ATXN7L1: variants seen among roughly 807,000 people sequenced by gnomAD.
ATXN7L1 encodes ataxin-7-like protein 1.
In ATXN7L1, 15 loss-of-function variants were observed where a neutral mutation model predicts 70.8. The ratio of observed to expected loss-of-function variants is 0.21; its 90% CI spans 0.14 to 0.33. The LOEUF (loss-of-function observed/expected upper bound fraction) is 0.33. Among genes scored for constraint, ATXN7L1 ranks in the 10% least tolerant of loss-of-function variants. The pLI is 1.00. For missense variants in ATXN7L1, 975 were observed against 1,097.1 expected, an observed-to-expected ratio of 0.89 and a Z score of 1.57; for synonymous variants, 440 against 445.1, an observed-to-expected ratio of 0.99 and a Z score of 0.14.
At chr7:105,692,404 T>G (rs1033986707) in intron 3 of ATXN7L1, among the ~76,000 whole-genome samples, 7 of 125,354 alleles carry the variant, frequency 5.6e-5, no homozygotes, top group African/African-American at 9.6e-5. Context: ...CTTCCTTCCT[T>G]CCTTCCTTCC....
chr7:105,722,746 G>A (rs1046394031), intron 3 of ATXN7L1, among the ~76,000 whole-genome samples: 9 of 151,698 alleles, frequency 5.9e-5, no homozygotes, highest in South Asian at 2.1e-4. Context: ...TTAGCTGGGC[G>A]TGGTGGCATG....
chr7:105,866,232 C>T (rs1585189514), intron 2 of ATXN7L1, among the ~76,000 whole-genome samples: 1 of 152,188 alleles, frequency 6.6e-6, no homozygotes. Context: ...GAATCAGGTA[C>T]ACCGGTAAGT....
At chr7:105,691,722 G>A (rs975606355) in intron 3 of ATXN7L1, 4 of 149,730 alleles carry the variant, frequency 2.7e-5, no homozygotes, top group Non-Finnish European at 4.4e-5. Context: ...GAAAAAAATC[G>A]CAACGACTAA....
intron 2 of ATXN7L1, among the ~76,000 whole-genome samples, chr7:105,854,595 T>A (rs1815439418): frequency 6.6e-6 from 1 of 151,748 alleles, no homozygotes; most frequent in African/African-American, 2.4e-5. Flanking sequence ...AATTGCTTTC[T>A]TCTGATTTCT....
intron 2 of ATXN7L1, among the ~76,000 whole-genome samples, chr7:105,873,555 T>C (rs1267039963): frequency 6.6e-6 from 1 of 152,220 alleles, no homozygotes; most frequent in Non-Finnish European, 1.5e-5. Context: ...ATATTTTATC[T>C]ATAAAGAAAA....
intron 7 of ATXN7L1, among the ~76,000 whole-genome samples, chr7:105,629,651 G>C (rs1421351174): frequency 6.6e-6 from 1 of 151,194 alleles, no homozygotes; most frequent in East Asian, 1.9e-4. Flanking sequence ...GCGTAGCTGG[G>C]ACTACAGGCA....
At chr7:105,856,866 C>T (rs1253040661) in intron 2 of ATXN7L1, among the ~76,000 whole-genome samples, 2 of 151,440 alleles carry the variant, frequency 1.3e-5, no homozygotes, top group African/African-American at 4.9e-5. Flanking sequence ...CCTCCAGCAC[C>T]CTGAATGGAG....
intron 3 of ATXN7L1, among the ~76,000 whole-genome samples, chr7:105,733,492 A>C (rs1173820437): frequency 6.7e-6 from 1 of 149,488 alleles, no homozygotes; most frequent in African/African-American, 2.5e-5. Context: ...CCATCCATCC[A>C]CCCATCCATC....
chr7:105,724,660 G>A (rs981120401), intron 3 of ATXN7L1, among the ~76,000 whole-genome samples: 91 of 150,872 alleles, frequency 6.0e-4, no homozygotes, highest in African/African-American at 1.6e-3. Context: ...AGGCCGAGGC[G>A]GGCGGATCAC....
At chr7:105,632,946 A>AAAG (rs1456460433) in intron 7 of ATXN7L1, among the ~76,000 whole-genome samples, 2 of 150,030 alleles carry the variant, frequency 1.3e-5, no homozygotes, top group Non-Finnish European at 3.0e-5. Flanking sequence ...AAAAAAAAAA[A>AAAG]AAGAAGAAGA....
intron 2 of ATXN7L1, among the ~76,000 whole-genome samples, chr7:105,848,550 T>G (rs1416409993): frequency 6.6e-6 from 1 of 152,186 alleles, no homozygotes; most frequent in Non-Finnish European, 1.5e-5. Flanking sequence ...AATGGAATAC[T>G]TAATAACTAG....
chr7:105,833,548 T>C (rs560963071), intron 2 of ATXN7L1, among the ~76,000 whole-genome samples: 1 of 152,342 alleles, frequency 6.6e-6, no homozygotes, highest in Admixed American at 6.5e-5. Context: ...AATAAATATG[T>C]GTGCTTAGTA....
chr7:105,691,626 C>A lies in ATXN7L1; in HGVS notation c.356-26338G>T, dbSNP rs1253538685. ...CTGTAAACATGTTGTACTTTTGGAA[C>A]CTGAAGCGATCCACATTAGCACGGA... On this transcript the variant is annotated intron_variant, in intron 3 of 11. Coordinates refer to ENST00000419735, the MANE Select transcript of ATXN7L1 (RefSeq NM_020725.2). 4.4e-5 allele frequency: 6 copies of A among 137,766 alleles called. No homozygotes were observed. In the East Asian group the frequency reaches 1.1e-3, roughly 24 times the overall value. 8.5% of individuals were successfully genotyped at this position (137,766 alleles called of 1,614,324 possible).
At chr7:105,824,188 T>C (rs961475891) in intron 2 of ATXN7L1, among the ~76,000 whole-genome samples, 1 of 152,212 alleles carries the variant, frequency 6.6e-6, no homozygotes, top group African/African-American at 2.4e-5. Flanking sequence ...CTCCATATGC[T>C]GGCAACTGAA....
intron 4 of ATXN7L1, among the ~76,000 whole-genome samples, chr7:105,664,656 G>A (rs1343763055): frequency 4.6e-5 from 7 of 150,648 alleles, no homozygotes; most frequent in East Asian, 2.0e-4. Flanking sequence ...CCACAACTCC[G>A]CCTCCCGGGT....
At chr7:105,678,140 T>A in intron 3 of ATXN7L1, 1 of 446,636 alleles carries the variant, frequency 2.2e-6, no homozygotes, top group Non-Finnish European at 3.0e-6. Flanking sequence ...CTCCCTTCTT[T>A]AGAAGCAAAA....
At chr7:105,852,959 A>G (rs1815099874) in intron 2 of ATXN7L1, among the ~76,000 whole-genome samples, 1 of 152,158 alleles carries the variant, frequency 6.6e-6, no homozygotes, top group Non-Finnish European at 1.5e-5. Flanking sequence ...GCAAAAGGAC[A>G]CACACTGCAT....
chr7:105,839,231 GA>G lies in ATXN7L1; in HGVS notation c.250+36580del, dbSNP rs76808872. Among the ~76,000 whole-genome samples, 452 of 140,390 alleles carry G rather than the reference GA, an allele frequency of 3.2e-3. 1 individual carries two copies. The highest frequency in any genetic ancestry group is 6.5e-3 in the African/African-American group (250 of 38,422). 92.1% of individuals were successfully genotyped at this position (140,390 alleles called of 152,430 possible). ...TTTTAGGAAGCTGTTGCTGCTGCAT[GA>G]AAAAAAAAAAAGCTTGTGGATTTTG... On this transcript the variant is annotated intron_variant, in intron 2 of 11. Coordinates refer to ENST00000419735, the MANE Select transcript of ATXN7L1 (RefSeq NM_020725.2).
intron 4 of ATXN7L1, among the ~76,000 whole-genome samples, chr7:105,645,932 A>G (rs1798946116): frequency 6.6e-6 from 1 of 151,972 alleles, no homozygotes; most frequent in South Asian, 2.1e-4. Context: ...ACTTGAACCC[A>G]GGAGGCAGAG....
Sources: gnomAD v4.1 joint callset for allele counts (sites outside exome capture counted in the v4.1 genomes callset) on GRCh38, gnomAD v4.1.1 for gene constraint, MANE v1.5 for transcripts, NCBI Gene and HGNC (gene_info 2026-07-23, HGNC 2026-07-21) for gene names.